The following DPYD variants were observed in gnomAD, a reference collection of about 807,000 sequenced individuals.
The protein encoded by DPYD is dihydropyrimidine dehydrogenase [NADP(+)].
A neutral mutation model predicts 116.2 loss-of-function variants in DPYD; 109 were observed. That is an observed-to-expected ratio of 0.94 (90% CI 0.80 to 1.10). The LOEUF (loss-of-function observed/expected upper bound fraction) is 1.10. DPYD is among the 50% of genes least tolerant of loss of function. The pLI is 0.00. For synonymous variants in DPYD, 440 were observed against 432.0 expected, an observed-to-expected ratio of 1.02 and a Z score of -0.23; for missense variants, 1,302 against 1,254.5, an observed-to-expected ratio of 1.04 and a Z score of -0.57.
intron 1 of DPYD, among the ~76,000 whole-genome samples, chr1:97,911,191 C>A (rs1673914907): frequency 6.6e-6 from 1 of 151,948 alleles, no homozygotes; most frequent in Non-Finnish European, 1.5e-5. Context: ...TATTTCAAAT[C>A]CTTAAAGTAG....
At chr1:97,227,087 G>A (rs1158274935) in intron 19 of DPYD, among the ~76,000 whole-genome samples, 15 of 152,002 alleles carry the variant, frequency 9.9e-5, no homozygotes, top group Admixed American at 9.2e-4. Context: ...CAGTCTTTTG[G>A]GAGGCTGAGT....
intron 13 of DPYD, among the ~76,000 whole-genome samples, chr1:97,492,794 C>T (rs1679043042): frequency 6.6e-6 from 1 of 152,092 alleles, no homozygotes; most frequent in African/African-American, 2.4e-5. Context: ...AATATACAGG[C>T]TTTTGGGTAT....
chr1:97,577,649 TC>T (rs1308641706), intron 10 of DPYD, among the ~76,000 whole-genome samples: 1 of 152,058 alleles, frequency 6.6e-6, no homozygotes, highest in Non-Finnish European at 1.5e-5. Flanking sequence ...CTTGAGCCTG[TC>T]CCAATCATTG....
intron 19 of DPYD, among the ~76,000 whole-genome samples, chr1:97,201,907 CT>C (rs56009010): frequency 0.14 from 20,543 of 142,208 alleles, 1,569 homozygotes; most frequent in East Asian, 0.28. Context: ...TCTCAAGCAG[CT>C]TTTTTTTTTT....
At chr1:97,491,816 C>A (rs768673596) in intron 13 of DPYD, among the ~76,000 whole-genome samples, 2 of 152,044 alleles carry the variant, frequency 1.3e-5, no homozygotes, top group Non-Finnish European at 2.9e-5. Flanking sequence ...TTTGATCTTA[C>A]GGTTTTGCAC....
intron 14 of DPYD, among the ~76,000 whole-genome samples, chr1:97,438,523 T>G (rs541627415): frequency 2.3e-4 from 35 of 152,130 alleles, no homozygotes; most frequent in African/African-American, 7.7e-4. Context: ...TGCTTGCATA[T>G]AAAAATACAA....
intron 7 of DPYD, among the ~76,000 whole-genome samples, chr1:97,686,831 G>A (rs1006284390): frequency 2.0e-5 from 3 of 151,996 alleles, no homozygotes; most frequent in South Asian, 2.1e-4. Flanking sequence ...CTTCTGCACA[G>A]CAAAAGAAAC....
intron 13 of DPYD, among the ~76,000 whole-genome samples, chr1:97,456,573 C>T (rs1281561560): frequency 1.3e-5 from 2 of 152,060 alleles, no homozygotes; most frequent in Non-Finnish European, 2.9e-5. Flanking sequence ...GACAGAGGCC[C>T]TAACGGGCTT....
At chr1:97,118,165 C>T (rs985823358) in intron 20 of DPYD, among the ~76,000 whole-genome samples, 6 of 151,618 alleles carry the variant, frequency 4.0e-5, no homozygotes, top group Admixed American at 1.3e-4. Context: ...CCTTTTCTTT[C>T]GGTTCTTCCT....
intron 12 of DPYD, chr1:97,546,550 G>A: frequency 1.9e-6 from 3 of 1,599,602 alleles, no homozygotes; most frequent in Non-Finnish European, 2.6e-6. Context: ...ACAGCAAGAA[G>A]AGAGCGCTCT....
intron 19 of DPYD, among the ~76,000 whole-genome samples, chr1:97,214,913 A>G (rs1450862720): frequency 2.0e-5 from 3 of 152,234 alleles, no homozygotes; most frequent in Admixed American, 6.5e-5. Context: ...ACAAAACATT[A>G]ACACTTGACC....
chr1:97,527,737 G>A (rs537368979), intron 12 of DPYD, among the ~76,000 whole-genome samples: 1 of 142,620 alleles, frequency 7.0e-6, no homozygotes, highest in African/African-American at 2.6e-5. Flanking sequence ...AACTCACATG[G>A]TAAGTATACA....
At chr1:97,393,071 A>G (rs1469597208) in intron 14 of DPYD, among the ~76,000 whole-genome samples, 1 of 152,012 alleles carries the variant, frequency 6.6e-6, no homozygotes, top group African/African-American at 2.4e-5. Flanking sequence ...TGTTCACTGG[A>G]GTAACATTTC....
At chr1:97,770,507 T>C (rs1325209717) in intron 3 of DPYD, among the ~76,000 whole-genome samples, 5 of 152,168 alleles carry the variant, frequency 3.3e-5, no homozygotes, top group African/African-American at 9.6e-5. Context: ...GCTCTGCATG[T>C]AAAGGAGAAA....
At chr1:97,512,973 C>G (rs1251064774) in intron 13 of DPYD, among the ~76,000 whole-genome samples, 1 of 151,372 alleles carries the variant, frequency 6.6e-6, no homozygotes, top group African/African-American at 2.4e-5. Context: ...CAAAAGCAAA[C>G]AGATCTTTTC....
At chr1:97,630,174 C>CA (rs527260731) in intron 8 of DPYD, among the ~76,000 whole-genome samples, 2,413 of 143,180 alleles carry the variant, frequency 0.017, 26 homozygotes, top group Admixed American at 0.026. Flanking sequence ...TATATACAGT[C>CA]AAAAAAAAAA....
At chr1:97,514,883 T>C (rs188645208) in intron 13 of DPYD, among the ~76,000 whole-genome samples, 228 of 152,034 alleles carry the variant, frequency 1.5e-3, no homozygotes, top group Middle Eastern at 0.01. Context: ...GGCATGTTTG[T>C]TCTCTATTAT....
chr1:97,193,827 G>A (rs892214272), intron 19 of DPYD, among the ~76,000 whole-genome samples: 1 of 151,954 alleles, frequency 6.6e-6, no homozygotes, highest in African/African-American at 2.4e-5. Context: ...TTTGCCTTAG[G>A]ATCTTTTCAC....
intron 2 of DPYD, among the ~76,000 whole-genome samples, chr1:97,839,320 A>T (rs529941296): frequency 2.0e-5 from 3 of 152,142 alleles, no homozygotes; most frequent in Non-Finnish European, 4.4e-5. Context: ...TGTAACAATA[A>T]TTTTCTGTCT....
Sources: gnomAD v4.1 joint callset for allele counts (sites outside exome capture counted in the v4.1 genomes callset) on GRCh38, gnomAD v4.1.1 for gene constraint, MANE v1.5 for transcripts, NCBI Gene and HGNC (gene_info 2026-07-23, HGNC 2026-07-21) for gene names.